Variants in SRPX observed in about 807,000 individuals in gnomAD.
The protein encoded by SRPX is sushi repeat containing protein X-linked.
SRPX carries 24 observed loss-of-function variants against 38.1 expected under a neutral mutation model. That is an observed-to-expected ratio of 0.63 (90% CI 0.46 to 0.89). SRPX has a LOEUF of 0.89. SRPX is among the 40% of genes least tolerant of loss of function. SRPX has a pLI of 0.00. For missense variants in SRPX, 416 were observed against 377.8 expected (o/e 1.10, Z -0.84); for synonymous variants, 184 against 153.8 (o/e 1.20, Z -1.45).
chrX:38,220,312 G>C (rs766935479), intron 1 of SRPX, among the ~76,000 whole-genome samples: 1 of 113,697 alleles, frequency 8.8e-6, no homozygotes, highest in East Asian at 2.8e-4. Flanking sequence ...CAAGCTGCCA[G>C]CCTCCAGTGG....
At chrX:38,177,178 C>A (rs1351198124) in intron 2 of SRPX, among the ~76,000 whole-genome samples, 6 of 111,556 alleles carry the variant, frequency 5.4e-5, no homozygotes, top group South Asian at 3.8e-4. Context: ...AGAAGTTTTG[C>A]GAATTAGAAC....
At chrX:38,199,698 C>T (rs796415103) in intron 1 of SRPX, among the ~76,000 whole-genome samples, 13 of 107,440 alleles carry the variant, frequency 1.2e-4, no homozygotes, top group African/African-American at 3.1e-4. Flanking sequence ...ATTCCTAGAG[C>T]GTGAGCAGGA....
At chrX:38,204,234 C>A (rs745651592) in intron 1 of SRPX, among the ~76,000 whole-genome samples, 2 of 111,805 alleles carry the variant, frequency 1.8e-5, no homozygotes, top group Non-Finnish European at 3.8e-5. Context: ...TATAAACAAA[C>A]TGATCCTAAA....
intron 4 of SRPX, among the ~76,000 whole-genome samples, chrX:38,169,487 G>A: frequency 1.4e-5 from 1 of 72,257 alleles, no homozygotes. Flanking sequence ...ATTCTACTCT[G>A]TAGAAAACAA....
chrX:38,165,612 T>C (rs992512458), intron 4 of SRPX, among the ~76,000 whole-genome samples: 1 of 112,410 alleles, frequency 8.9e-6, no homozygotes, highest in African/African-American at 3.2e-5. Context: ...AAATGATTTA[T>C]TTAAGACCAC....
chrX:38,220,871 T>C lies in SRPX; in HGVS notation c.-79A>G. On this transcript the variant is annotated 5_prime_UTR_variant, in exon 1 of 10. Transcript: ENST00000378533. ...CAGGAGACCGAAGAGACCAAGGGAC[T>C]GCGTGCTAGCGGGCGGGCGAAGGCC... 2 of 1,044,251 alleles carry C rather than the reference T, an allele frequency of 1.9e-6. No individual in the cohort carries two copies. Among genetic ancestry groups the C allele is most frequent in the Non-Finnish European group, 2.4e-6 (2 of 820,699 alleles). 86.1% of individuals were successfully genotyped at this position (1,044,251 alleles called of 1,213,427 possible). A position where few individuals can be genotyped will look rare whatever the true frequency, so the allele number is the denominator to read the frequency against.
intron 1 of SRPX, among the ~76,000 whole-genome samples, chrX:38,192,876 C>T (rs1161488974): frequency 1.8e-5 from 2 of 112,384 alleles, no homozygotes; most frequent in Non-Finnish European, 3.8e-5. Flanking sequence ...CAGTATGTGC[C>T]CTAAAGGGAA....
At position 38,160,279 on chromosome X, in the gene SRPX, T is replaced by A. The variant is rs192637941; in HGVS notation, c.776-83A>T. ...CAGAAAAGGTGAGGATGCAGAGGCA[T>A]CAGCTTTGCAATCAGGCTTCTACAT... On this transcript the variant is annotated intron_variant, in intron 6 of 9. Coordinates refer to ENST00000378533, the MANE Select transcript of SRPX (RefSeq NM_006307.5). 8.6e-4 allele frequency: 856 copies of A among 995,149 alleles called. 6 individuals are homozygous for A. The African/African-American group carries it at 0.014, about 17-fold the overall frequency. The allele number at this position is 995,149 out of a possible 1,213,427, so 82.0% of individuals were successfully genotyped here.
chrX:38,159,362 G>T (rs922194343), intron 7 of SRPX, among the ~76,000 whole-genome samples: 2 of 112,553 alleles, frequency 1.8e-5, no homozygotes, highest in Non-Finnish European at 3.8e-5. Flanking sequence ...ATGAAAGGGT[G>T]CCAGGAAATG....
At chrX:38,182,095 G>T (rs1357475460) in intron 1 of SRPX, among the ~76,000 whole-genome samples, 3 of 112,287 alleles carry the variant, frequency 2.7e-5, no homozygotes, top group African/African-American at 9.7e-5. Context: ...CAATTTCTAT[G>T]CACTATCTCA....
chrX:38,209,001 T>TATA (rs35792519), intron 1 of SRPX, among the ~76,000 whole-genome samples: 222 of 101,811 alleles, frequency 2.2e-3, no homozygotes, highest in Non-Finnish European at 3.7e-3. Flanking sequence ...TATATATATA[T>TATA]TTTTTTTTTG....
intron 1 of SRPX, among the ~76,000 whole-genome samples, chrX:38,190,404 C>A (rs2147110115): frequency 8.9e-6 from 1 of 111,734 alleles, no homozygotes; most frequent in East Asian, 2.8e-4. Context: ...CTCCGGTTCC[C>A]CAACAGGGAA....
At chrX:38,197,667 T>C (rs1331217950) in intron 1 of SRPX, among the ~76,000 whole-genome samples, 1 of 111,660 alleles carries the variant, frequency 9.0e-6, no homozygotes, top group Admixed American at 9.5e-5. Context: ...AGCAAATAAA[T>C]AAGTAAACAA....
intron 1 of SRPX, among the ~76,000 whole-genome samples, chrX:38,212,245 T>C (rs180929127): frequency 3.6e-5 from 4 of 110,808 alleles, no homozygotes; most frequent in African/African-American, 1.3e-4. Flanking sequence ...CCAAGGGAGG[T>C]TGCATTTGTT....
At chrX:38,158,065 C>A (rs1938166036) in intron 7 of SRPX, among the ~76,000 whole-genome samples, 1 of 112,032 alleles carries the variant, frequency 8.9e-6, no homozygotes, top group Admixed American at 9.5e-5. Context: ...GGCATATGGG[C>A]CAAGCACCAT....
chrX:38,162,907 G>T, intron 5 of SRPX, among the ~76,000 whole-genome samples: 1 of 113,116 alleles, frequency 8.8e-6, no homozygotes, highest in East Asian at 2.8e-4. Context: ...CACAAAGCTT[G>T]TAGACAAATA....
chrX:38,165,064 T>A (rs1218263233), intron 4 of SRPX, among the ~76,000 whole-genome samples, 169 bp from the exon 5 acceptor site: 1 of 111,848 alleles, frequency 8.9e-6, no homozygotes, highest in African/African-American at 3.3e-5. Flanking sequence ...TTTACTCTCC[T>A]GCTAAGTTTT....
Position 38,182,930 on chromosome X carries a change from G to A in SRPX, c.98-4586C>T, listed in dbSNP as rs968550163. On this transcript the variant is annotated intron_variant, in intron 1 of 9. Transcript: ENST00000378533. ...TATACATCTTACCTCCACAATTCTT[G>A]TTAGGTCAACAATAAATATCCTTTC... is the stretch of plus-strand genomic sequence containing the variant. 3.0e-4 allele frequency among the ~76,000 whole-genome samples: 34 copies of A among 111,963 alleles called. 1 individual carries two copies. Among genetic ancestry groups the A allele is most frequent in the African/African-American group, 1.1e-3 (34 of 30,821 alleles).
intron 1 of SRPX, among the ~76,000 whole-genome samples, chrX:38,180,327 C>A (rs1348356143): frequency 9.0e-6 from 1 of 111,581 alleles, no homozygotes; most frequent in Non-Finnish European, 1.9e-5. Context: ...TTCCTCCTTT[C>A]TAAACAGACT....
Sources: allele counts gnomAD v4.1 joint callset (sites outside exome capture counted in the v4.1 genomes callset), GRCh38; gene constraint gnomAD v4.1.1; transcripts MANE v1.5; gene names NCBI Gene and HGNC (gene_info 2026-07-23, HGNC 2026-07-21).